Variants in PCSK5 observed in about 807,000 individuals in gnomAD.
The protein encoded by PCSK5 is proprotein convertase subtilisin/kexin type 5.
Under a neutral mutation model 233.2 loss-of-function variants are expected in PCSK5, and 129 were observed. That is an observed-to-expected ratio of 0.55 (90% confidence interval 0.48 to 0.64). The LOEUF is 0.64. Among genes scored for constraint, PCSK5 ranks in the 30% least tolerant of loss-of-function variants. PCSK5 has a pLI of 0.00. For missense variants in PCSK5, 2,076 were observed against 2,430.1 expected (o/e 0.85, Z 3.06); for synonymous variants, 825 against 879.2 (o/e 0.94, Z 1.09).
chr9:76,283,740 G>C (rs545394037), intron 24 of PCSK5, among the ~76,000 whole-genome samples: 82 of 152,182 alleles, frequency 5.4e-4, no homozygotes, highest in Non-Finnish European at 9.6e-4. Flanking sequence ...GTTTGCTCCG[G>C]GGAATAAATT....
chr9:76,233,388 C>A, intron 21 of PCSK5, 72 bp from the exon 22 acceptor site: 3 of 1,452,940 alleles, frequency 2.1e-6, no homozygotes, highest in Non-Finnish European at 2.9e-6. Flanking sequence ...ACATGAATAC[C>A]ACATGTTCTG....
intron 7 of PCSK5, among the ~76,000 whole-genome samples, chr9:76,093,738 A>G (rs1263433808): frequency 2.6e-5 from 4 of 152,046 alleles, no homozygotes; most frequent in Non-Finnish European, 5.9e-5. Context: ...TGAGACCCTG[A>G]TTTTTGCCTG....
At chr9:76,329,476 G>A (rs1829464522) in intron 33 of PCSK5, among the ~76,000 whole-genome samples, 1 of 152,008 alleles carries the variant, frequency 6.6e-6, no homozygotes, top group African/African-American at 2.4e-5. Flanking sequence ...TGTCCCTTTA[G>A]CCTCCTTTAA....
chr9:75,967,534 T>C (rs2131357618), intron 2 of PCSK5, among the ~76,000 whole-genome samples: 1 of 152,362 alleles, frequency 6.6e-6, no homozygotes, highest in South Asian at 2.1e-4. Context: ...GGAACAGCTT[T>C]CACAAACAGT....
intron 3 of PCSK5, among the ~76,000 whole-genome samples, chr9:76,004,027 G>A (rs1442839381): frequency 6.6e-6 from 1 of 152,048 alleles, no homozygotes; most frequent in Non-Finnish European, 1.5e-5. Flanking sequence ...CAAGTTCCTG[G>A]CCTCAGGTGA....
At chr9:76,106,386 A>T (rs776909387) in intron 8 of PCSK5, among the ~76,000 whole-genome samples, 1 of 152,228 alleles carries the variant, frequency 6.6e-6, no homozygotes, top group Non-Finnish European at 1.5e-5. Context: ...ATAGTATTAA[A>T]GGAGAAGTTA....
At chr9:76,307,087 A>G (rs113475761) in intron 28 of PCSK5, among the ~76,000 whole-genome samples, 24 of 100,786 alleles carry the variant, frequency 2.4e-4, no homozygotes, top group East Asian at 6.8e-4. Flanking sequence ...GACACGTATT[A>G]TCTCATTTAG....
chr9:76,354,251 A>T, intron 37 of PCSK5, 32 bp downstream of exon 37: 1 of 1,521,066 alleles, frequency 6.6e-7, no homozygotes, highest in Non-Finnish European at 8.9e-7. Flanking sequence ...CCTGCAGAGG[A>T]AGGGCATGTC....
At chr9:76,278,370 C>A (rs1006673516) in intron 24 of PCSK5, among the ~76,000 whole-genome samples, 2 of 151,852 alleles carry the variant, frequency 1.3e-5, no homozygotes, top group African/African-American at 4.8e-5. Flanking sequence ...TGCCAGGAGA[C>A]AAAATGGGAA....
chr9:76,117,418 G>A (rs1443457274), intron 9 of PCSK5, among the ~76,000 whole-genome samples: 1 of 152,104 alleles, frequency 6.6e-6, no homozygotes, highest in Non-Finnish European at 1.5e-5. Context: ...GATGAATAAT[G>A]GCAAATAGGG....
chr9:76,038,191 A>C (rs549889019), intron 5 of PCSK5, among the ~76,000 whole-genome samples: 1 of 151,792 alleles, frequency 6.6e-6, no homozygotes, highest in Non-Finnish European at 1.5e-5. Context: ...CCATATATAG[A>C]CTCTCATTTT....
intron 5 of PCSK5, among the ~76,000 whole-genome samples, chr9:76,027,338 G>A (rs149520353): frequency 5.8e-4 from 88 of 152,156 alleles, no homozygotes; most frequent in African/African-American, 2.0e-3. Context: ...TAGGGACAGG[G>A]GTGGTGAAGG....
chr9:75,992,546 AG>A (rs1266612806), intron 3 of PCSK5, among the ~76,000 whole-genome samples: 1 of 152,088 alleles, frequency 6.6e-6, no homozygotes, highest in Non-Finnish European at 1.5e-5. Flanking sequence ...ATGATTTTGG[AG>A]AATCCCGTAG....
chr9:76,134,552 A>C (rs1466151525), intron 10 of PCSK5, among the ~76,000 whole-genome samples: 1 of 151,998 alleles, frequency 6.6e-6, no homozygotes. Flanking sequence ...AAAATTCCTC[A>C]CCTTCTATAG....
At chr9:76,295,252 G>A in intron 25 of PCSK5, 23 bp from the exon 26 acceptor site, 1 of 1,598,302 alleles carries the variant, frequency 6.3e-7, no homozygotes, top group Non-Finnish European at 8.5e-7. Context: ...AGTCATGAAA[G>A]AAATGATGTC....
intron 1 of PCSK5, among the ~76,000 whole-genome samples, chr9:75,928,302 C>G (rs1342587423): frequency 6.6e-6 from 1 of 151,780 alleles, no homozygotes. Context: ...ATATATTGTT[C>G]CTTGTTTCAG....
At chr9:76,304,508 C>G (rs1157192667) in intron 28 of PCSK5, among the ~76,000 whole-genome samples, 1 of 152,194 alleles carries the variant, frequency 6.6e-6, no homozygotes, top group Non-Finnish European at 1.5e-5. Flanking sequence ...CAACAGGAAG[C>G]TGAAGGAACT....
intron 22 of PCSK5, among the ~76,000 whole-genome samples, chr9:76,238,636 G>A (rs1007778036): frequency 6.6e-6 from 1 of 152,216 alleles, no homozygotes; most frequent in South Asian, 2.1e-4. Context: ...CTTTGGGAAA[G>A]TTAAACACAT....
At chr9:75,979,610 T>A (rs1285332381) in intron 2 of PCSK5, among the ~76,000 whole-genome samples, 3 of 152,232 alleles carry the variant, frequency 2.0e-5, no homozygotes, top group African/African-American at 7.2e-5. Flanking sequence ...TAGGCATCTG[T>A]AGCTCATGGA....
Sources: allele counts gnomAD v4.1 joint callset (sites outside exome capture counted in the v4.1 genomes callset), GRCh38; gene constraint gnomAD v4.1.1; transcripts MANE v1.5; gene names NCBI Gene and HGNC (gene_info 2026-07-23, HGNC 2026-07-21).